Variants in CDH2 observed in about 807,000 individuals in gnomAD.
CDH2 encodes the protein cadherin 2.
In CDH2, 17 loss-of-function variants were observed where a neutral mutation model predicts 92.0. The observed-to-expected ratio is 0.18, with a 90% CI of 0.13 to 0.28. The LOEUF (loss-of-function observed/expected upper bound fraction) is 0.28. Ranked by LOEUF, CDH2 falls within the 10% of genes least tolerant of loss-of-function variation. The pLI, the probability that CDH2 is intolerant of heterozygous loss-of-function variation, is 1.00. For synonymous variants in CDH2, 419 were observed against 415.9 expected, an observed-to-expected ratio of 1.01 and a Z score of -0.09; for missense variants, 862 against 1,133.1, an observed-to-expected ratio of 0.76 and a Z score of 3.44.
chr18:28,077,709 G>T (rs1368243765), intron 2 of CDH2, among the ~76,000 whole-genome samples: 2 of 151,822 alleles, frequency 1.3e-5, no homozygotes, highest in African/African-American at 4.8e-5. Context: ...TGGCCAACAT[G>T]GTGAAACCCC....
At chr18:27,995,528 A>ATTCTCATTTCTGCAGCTATTG (rs999333378) in intron 7 of CDH2, among the ~76,000 whole-genome samples, 2 of 152,176 alleles carry the variant, frequency 1.3e-5, no homozygotes, top group Non-Finnish European at 2.9e-5. Flanking sequence ...ATTTGCAGAA[A>ATTCTCATTTCTGCAGCTATTG]CAGATGAACA....
intron 2 of CDH2, among the ~76,000 whole-genome samples, chr18:28,056,708 A>C (rs183156392): frequency 6.6e-6 from 1 of 152,244 alleles, no homozygotes; most frequent in African/African-American, 2.4e-5. Context: ...GGAAATTCTA[A>C]ATTAAGACTT....
chr18:28,003,148 G>A lies in CDH2; in HGVS notation c.869C>T (p.Thr290Ile). 1.2e-6 allele frequency: 2 copies of A among 1,613,858 alleles called. No homozygotes were observed. The highest frequency in any genetic ancestry group is 1.7e-6 in the Non-Finnish European group (2 of 1,179,800). The change falls in exon 7 of 16, where the codon ACA becomes ATA. Residue 290 changes from threonine (T) to isoleucine (I), a missense_variant. Around this residue, in one of 5 missense-constraint regions of CDH2, gnomAD observed 564 missense variants for 722.2 expected, o/e 0.78. Coordinates refer to ENST00000269141, the MANE Select transcript of CDH2 (RefSeq NM_001792.5). ...SKPGTYVMTV[T>I]AIDADDPNAL... The stretch of plus-strand genomic sequence containing the variant: ...ATTGGGATCGTCAGCATCAATTGCT[G>A]TTACGGTCATCACATATGTTCCTAG...
intron 2 of CDH2, among the ~76,000 whole-genome samples, chr18:28,051,620 G>T (rs2014192737): frequency 6.6e-6 from 1 of 152,102 alleles, no homozygotes; most frequent in Admixed American, 6.6e-5. Flanking sequence ...AACCTTTTCT[G>T]TAAATTAACC....
At chr18:28,004,139 C>T (rs2012847247) in intron 6 of CDH2, among the ~76,000 whole-genome samples, 1 of 152,166 alleles carries the variant, frequency 6.6e-6, no homozygotes, top group African/African-American at 2.4e-5. Context: ...CATCCCTACA[C>T]CCTTATTTTT....
At chr18:27,962,056 G>GACAA (rs1417772608) in intron 15 of CDH2, among the ~76,000 whole-genome samples, 9 of 152,132 alleles carry the variant, frequency 5.9e-5, no homozygotes, top group Admixed American at 5.9e-4. Context: ...TTCTTATGAT[G>GACAA]ACAAACATGA....
chr18:28,095,900 A>G (rs1481587601), intron 2 of CDH2, among the ~76,000 whole-genome samples: 1 of 152,092 alleles, frequency 6.6e-6, no homozygotes, highest in Non-Finnish European at 1.5e-5. Flanking sequence ...AAGGTACAAT[A>G]GCAACACAGA....
At chr18:28,077,639 C>T (rs2014746018) in intron 2 of CDH2, among the ~76,000 whole-genome samples, 1 of 151,968 alleles carries the variant, frequency 6.6e-6, no homozygotes, top group Admixed American at 6.6e-5. Flanking sequence ...GCCTGTAATC[C>T]CACCAGTTTG....
chr18:28,168,169 G>A (rs1231239), intron 1 of CDH2, among the ~76,000 whole-genome samples: 6,192 of 151,930 alleles, frequency 0.041, 167 homozygotes, highest in South Asian at 0.093. Context: ...AAGACATTTC[G>A]TGCAAGATTA....
intron 2 of CDH2, among the ~76,000 whole-genome samples, chr18:28,140,780 G>GACA (rs1463511681): frequency 6.6e-6 from 1 of 150,682 alleles, no homozygotes; most frequent in Non-Finnish European, 1.5e-5. Context: ...TCATATATCT[G>GACA]ACAACGATCT....
At chr18:27,949,075 TAC>T (rs1010891438), downstream of CDH2, among the ~76,000 whole-genome samples, 10 of 151,976 alleles carry the variant, frequency 6.6e-5, no homozygotes, top group African/African-American at 2.2e-4. Flanking sequence ...GTCACATGGT[TAC>T]AGTCATTTTA....
At position 28,013,570 on chromosome 18, in the gene CDH2, C is replaced by T. The variant is rs891349678; in HGVS notation, c.399+113G>A. 1.2e-5 allele frequency: 9 copies of T among 744,392 alleles called. No homozygotes were observed. The African/African-American group carries it at 1.6e-4, about 13-fold the overall frequency. The allele number at this position is 744,392 out of a possible 1,614,324, so 46.1% of individuals were successfully genotyped here. ...ATTATTAAAATGACCAAAGTTGATA[C>T]AAATGCAAATAGTGGCCATCCATTA... On this transcript the variant is annotated intron_variant, in intron 3 of 15. Coordinates refer to ENST00000269141, the MANE Select transcript of CDH2 (RefSeq NM_001792.5).
Position 27,963,440 on chromosome 18 carries a change from C to G in CDH2, c.2431G>C (p.Glu811Gln). 6.2e-7 allele frequency: 1 copy of G among 1,614,090 alleles called. No homozygotes were observed. Among genetic ancestry groups the G allele is most frequent in the Non-Finnish European group, 8.5e-7 (1 of 1,180,020 alleles). Residue 811 changes from glutamate to glutamine, a missense_variant, in exon 15 of 16, where the codon GAA becomes CAA. Transcript: ENST00000269141. ...IKPVGIRRMD[E>Q]RPIHAEPQYP... ...TGGGGCTCGGCGTGGATGGGTCTTT[C>G]ATCCATTCGTCGGATTCCCACAGGC...
At chr18:27,932,966 G>T (rs1009494463) in exon 7 of CDH2, among the ~76,000 whole-genome samples, 2 of 152,148 alleles carry the variant, frequency 1.3e-5, no homozygotes, top group African/African-American at 4.8e-5. Flanking sequence ...ACATGTAGTT[G>T]TAACTCTAAA....
intron 15 of CDH2, among the ~76,000 whole-genome samples, chr18:27,962,898 C>T (rs2011444792): frequency 6.6e-6 from 1 of 152,172 alleles, no homozygotes; most frequent in Admixed American, 6.5e-5. Flanking sequence ...GCTCTTCCAA[C>T]TAATCTCTTT....
chr18:27,998,022 G>A (rs2012642172), intron 7 of CDH2, among the ~76,000 whole-genome samples: 2 of 151,990 alleles, frequency 1.3e-5, no homozygotes, highest in African/African-American at 4.8e-5. Flanking sequence ...TAGCCAGGAT[G>A]GTCTCCATCT....
At chr18:28,002,282 T>C (rs1219830143) in intron 7 of CDH2, among the ~76,000 whole-genome samples, 1 of 152,176 alleles carries the variant, frequency 6.6e-6, no homozygotes, top group Non-Finnish European at 1.5e-5. Flanking sequence ...AGGAGCACAG[T>C]GGGTCGAGGC....
chr18:27,955,769 T>TTTG (rs930373126), intron 15 of CDH2, among the ~76,000 whole-genome samples: 11 of 146,380 alleles, frequency 7.5e-5, no homozygotes, highest in African/African-American at 2.0e-4. Flanking sequence ...CTGTTTTTTT[T>TTTG]TTTTTTTTTT....
chr18:27,939,501 G>C (rs1379689989), intron 6 of CDH2, among the ~76,000 whole-genome samples: 1 of 152,148 alleles, frequency 6.6e-6, no homozygotes, highest in Non-Finnish European at 1.5e-5. Flanking sequence ...GAAAGTGAGT[G>C]TAAAATGGCC....
Sources: allele counts gnomAD v4.1 joint callset (sites outside exome capture counted in the v4.1 genomes callset), GRCh38; gene constraint gnomAD v4.1.1; regional missense constraint gnomAD v4.1.1; transcripts MANE v1.5; gene names NCBI Gene and HGNC (gene_info 2026-07-23, HGNC 2026-07-21).